Variants in HPSE2 observed in about 807,000 individuals in gnomAD.
HPSE2 encodes inactive heparanase-2.
A neutral mutation model predicts 60.5 loss-of-function variants in HPSE2; 38 were observed. That is an observed-to-expected ratio of 0.63 (90% confidence interval 0.48 to 0.82). The LOEUF (loss-of-function observed/expected upper bound fraction) is 0.82, where lower values mean the gene tolerates loss of function less well. Ranked by LOEUF, HPSE2 falls within the 40% of genes least tolerant of loss-of-function variation. The pLI is 0.00. For missense variants in HPSE2, 713 were observed against 740.4 expected (o/e 0.96, Z 0.43); for synonymous variants, 295 against 293.2 (o/e 1.01, Z -0.06).
chr10:98,707,707 T>C (rs1165800134), intron 5 of HPSE2, among the ~76,000 whole-genome samples: 2 of 152,080 alleles, frequency 1.3e-5, no homozygotes, highest in Non-Finnish European at 2.9e-5. Context: ...TAGTTTAAAA[T>C]CAGATATAGG....
At chr10:99,084,237 T>C (rs183013867) in intron 3 of HPSE2, among the ~76,000 whole-genome samples, 1 of 152,258 alleles carries the variant, frequency 6.6e-6, no homozygotes, top group East Asian at 1.9e-4. Context: ...AAGCATTTGC[T>C]TTTCTTGGTA....
At chr10:99,309,428 G>T in the HPSE2 span, among the ~76,000 whole-genome samples, 2 of 152,080 alleles carry the variant, frequency 1.3e-5, no homozygotes, top group African/African-American at 4.8e-5. Flanking sequence ...TTGTGAAAAG[G>T]TACTCAACTT....
chr10:98,803,935 T>C (rs1421416072), intron 3 of HPSE2, among the ~76,000 whole-genome samples: 16 of 152,032 alleles, frequency 1.1e-4, no homozygotes, highest in Admixed American at 2.0e-4. Context: ...TTCATGATAT[T>C]GATTCTTCCT....
At chr10:99,180,561 T>G (rs964037764) in intron 2 of HPSE2, among the ~76,000 whole-genome samples, 6 of 152,230 alleles carry the variant, frequency 3.9e-5, no homozygotes, top group African/African-American at 1.4e-4. Flanking sequence ...AGATACCATC[T>G]CAGGCCAGTT....
chr10:98,924,527 G>A (rs1954388807), intron 3 of HPSE2: 1 of 152,232 alleles, frequency 6.6e-6, no homozygotes, highest in Non-Finnish European at 1.5e-5. Context: ...GACTTTGCAT[G>A]GTACTGAACC....
At chr10:98,986,330 T>G (rs1221151313) in intron 3 of HPSE2, among the ~76,000 whole-genome samples, 3 of 152,000 alleles carry the variant, frequency 2.0e-5, no homozygotes, top group Non-Finnish European at 2.9e-5. Context: ...AACTCAGGAT[T>G]AAGAAACTCA....
chr10:98,688,744 G>A (rs972416706), intron 6 of HPSE2, among the ~76,000 whole-genome samples: 2 of 151,504 alleles, frequency 1.3e-5, no homozygotes, highest in African/African-American at 4.9e-5. Context: ...CCAAAGTGTT[G>A]GGATTACAGG....
chr10:99,070,945 G>A lies in HPSE2; in HGVS notation c.610+73293C>T, dbSNP rs144328472. The stretch of plus-strand genomic sequence containing the variant: ...CATTTAGAGTGTTTCCACATCTGTT[G>A]TTGTGAATAATGCTGCAACAAACGT... On this transcript the variant is annotated intron_variant, in intron 3 of 11. Coordinates refer to ENST00000370552, the MANE Select transcript of HPSE2 (RefSeq NM_021828.5). Among the ~76,000 whole-genome samples, 21 of 152,124 alleles carry A rather than the reference G, an allele frequency of 1.4e-4. No homozygotes were observed. In the East Asian group the frequency reaches 3.3e-3, roughly 24 times the overall value.
intron 3 of HPSE2, among the ~76,000 whole-genome samples, chr10:99,092,355 A>G (rs1430674217): frequency 6.6e-6 from 1 of 152,214 alleles, no homozygotes; most frequent in Non-Finnish European, 1.5e-5. Context: ...TAGCATTAAT[A>G]ATCAGGTCAG....
At chr10:98,512,035 G>T (rs2133746114) in intron 9 of HPSE2, among the ~76,000 whole-genome samples, 1 of 152,350 alleles carries the variant, frequency 6.6e-6, no homozygotes, top group African/African-American at 2.4e-5. Flanking sequence ...ACCTTGGAGA[G>T]CCAAGAAGAA....
At chr10:99,027,541 A>T (rs570779162) in intron 3 of HPSE2, among the ~76,000 whole-genome samples, 52 of 152,304 alleles carry the variant, frequency 3.4e-4, no homozygotes, top group African/African-American at 1.2e-3. Context: ...TTTAAGGAAG[A>T]ATTAAAACCA....
chr10:99,095,756 G>A (rs1374066621), intron 3 of HPSE2, among the ~76,000 whole-genome samples: 2 of 152,066 alleles, frequency 1.3e-5, no homozygotes, highest in Non-Finnish European at 2.9e-5. Context: ...ATATTCCATT[G>A]TATGGATATA....
chr10:99,105,880 G>A (rs1031737453), intron 3 of HPSE2, among the ~76,000 whole-genome samples: 7 of 151,834 alleles, frequency 4.6e-5, no homozygotes, highest in Non-Finnish European at 1.0e-4. Context: ...GAAAAGACTA[G>A]CTTTTCACTC....
chr10:99,204,331 T>G (rs1848673347), intron 2 of HPSE2, among the ~76,000 whole-genome samples: 1 of 152,234 alleles, frequency 6.6e-6, no homozygotes. Flanking sequence ...GCCTGCCTGA[T>G]GACTCCAGCA....
At chr10:99,227,170 G>A (rs577534388) in intron 2 of HPSE2, among the ~76,000 whole-genome samples, 1 of 152,020 alleles carries the variant, frequency 6.6e-6, no homozygotes, top group Non-Finnish European at 1.5e-5. Flanking sequence ...GCTTCCTAGA[G>A]AAAAGAGAAT....
At chr10:99,038,629 T>C (rs927933608) in intron 3 of HPSE2, among the ~76,000 whole-genome samples, 2 of 152,034 alleles carry the variant, frequency 1.3e-5, no homozygotes, top group Non-Finnish European at 2.9e-5. Flanking sequence ...TATATTAATA[T>C]ATATGAAAAA....
intron 3 of HPSE2, among the ~76,000 whole-genome samples, chr10:98,829,387 G>C (rs996068956): frequency 2.7e-4 from 41 of 152,148 alleles, no homozygotes; most frequent in Admixed American, 2.6e-3. Flanking sequence ...AATTAGCCAG[G>C]TGTGGTGGCG....
intron 3 of HPSE2, among the ~76,000 whole-genome samples, chr10:98,925,778 C>T (rs1954440318): frequency 6.6e-6 from 1 of 152,048 alleles, no homozygotes; most frequent in Non-Finnish European, 1.5e-5. Context: ...TAGATTGGTC[C>T]TTTATTGTTC....
At chr10:99,281,848 C>T in the HPSE2 span, among the ~76,000 whole-genome samples, 1 of 152,008 alleles carries the variant, frequency 6.6e-6, no homozygotes, top group Non-Finnish European at 1.5e-5. Context: ...GATACAAAGA[C>T]ACAAACAGGT....
Sources: gnomAD v4.1 joint callset for allele counts (sites outside exome capture counted in the v4.1 genomes callset) on GRCh38, gnomAD v4.1.1 for gene constraint, MANE v1.5 for transcripts, NCBI Gene and HGNC (gene_info 2026-07-23, HGNC 2026-07-21) for gene names.